ARID1B: variants seen among roughly 807,000 people sequenced by gnomAD.
The protein encoded by ARID1B is AT-rich interaction domain 1B.
In ARID1B, 30 loss-of-function variants were observed where a neutral mutation model predicts 212.3. The ratio of observed to expected loss-of-function variants is 0.14; its 90% CI spans 0.11 to 0.19. The LOEUF (loss-of-function observed/expected upper bound fraction) is 0.19. Ranked by LOEUF, ARID1B falls within the 10% of genes least tolerant of loss-of-function variation. The probability of loss-of-function intolerance (pLI) is 1.00; values close to 1 mark genes in which losing one functional copy is unlikely to be tolerated. For synonymous variants in ARID1B, 1,402 were observed against 1,301.7 expected (o/e 1.08, Z -1.66); for missense variants, 2,891 against 3,204.0 (o/e 0.90, Z 2.36).
At chr6:156,822,565 G>T (rs1782429834) in intron 1 of ARID1B, among the ~76,000 whole-genome samples, 1 of 152,272 alleles carries the variant, frequency 6.6e-6, no homozygotes, top group Non-Finnish European at 1.5e-5. Flanking sequence ...CTGGCTTAGA[G>T]AGGAGTAGGC....
intron 2 of ARID1B, among the ~76,000 whole-genome samples, chr6:156,858,220 G>T (rs1785085626): frequency 6.6e-6 from 1 of 152,056 alleles, no homozygotes; most frequent in Admixed American, 6.5e-5. Context: ...AACAGAGGCT[G>T]GAAAGTGTAG....
At chr6:157,202,877 G>A (rs572725977) in intron 18 of ARID1B, among the ~76,000 whole-genome samples, 8 of 151,868 alleles carry the variant, frequency 5.3e-5, no homozygotes, top group East Asian at 1.9e-4. Flanking sequence ...ACACACACAC[G>A]TGTATTGTGT....
At chr6:156,912,626 G>A (rs186263158) in intron 3 of ARID1B, among the ~76,000 whole-genome samples, 252 of 152,264 alleles carry the variant, frequency 1.7e-3, no homozygotes, top group African/African-American at 5.7e-3. Flanking sequence ...AGCTAGTGAG[G>A]CTGCTTCCTG....
At chr6:156,966,311 A>G (rs1272046055) in intron 4 of ARID1B, among the ~76,000 whole-genome samples, 1 of 152,034 alleles carries the variant, frequency 6.6e-6, no homozygotes, top group Non-Finnish European at 1.5e-5. Context: ...TTGGTAGTGT[A>G]AATGCTTAGA....
In ARID1B at chr6:156,778,096, G is replaced by A. The variant is rs1180067937; in HGVS notation, c.416G>A (p.Gly139Asp). ...AASSSSSSGP[G>D]SAMETGLLPN... The stretch of plus-strand genomic sequence containing the variant: ...TCCTCTTCCTCCTCGTCGGGCCCGG[G>A]CTCGGCCATGGAGACGGGGCTGCTC... Residue 139 changes from glycine (G) to aspartate (D), a missense_variant, in exon 1 of 20, where the codon GGC (glycine) becomes GAC (aspartate). Physicochemically the swap from Gly to Asp is moderately conservative, Grantham distance 94. Transcript: ENST00000636930. The A allele has an allele frequency of 6.5e-7, 1 of 1,540,382 alleles. No individual in the cohort carries two copies. The highest frequency in any genetic ancestry group is 8.7e-7 in the Non-Finnish European group (1 of 1,146,236).
At chr6:157,116,938 A>G (rs1017184448) in intron 6 of ARID1B, among the ~76,000 whole-genome samples, 8 of 152,184 alleles carry the variant, frequency 5.3e-5, no homozygotes, top group Admixed American at 1.3e-4. Flanking sequence ...TATTTTCTCT[A>G]TAGTTCTATA....
intron 6 of ARID1B, among the ~76,000 whole-genome samples, chr6:157,114,128 T>C (rs555299082): frequency 6.6e-6 from 1 of 152,326 alleles, no homozygotes; most frequent in South Asian, 2.1e-4. Context: ...GTAACTTAAC[T>C]TTGTTTATAC....
chr6:156,836,691 G>A (rs890431119), intron 2 of ARID1B, among the ~76,000 whole-genome samples: 1 of 151,960 alleles, frequency 6.6e-6, no homozygotes, highest in African/African-American at 2.4e-5. Context: ...TTGACATGGG[G>A]TCCTGCTGTG....
chr6:156,868,649 A>G (rs537855726), intron 2 of ARID1B, among the ~76,000 whole-genome samples: 3 of 152,298 alleles, frequency 2.0e-5, no homozygotes, highest in Middle Eastern at 6.8e-3. Flanking sequence ...CTGTGCCCTC[A>G]TGACCTAGTC....
intron 8 of ARID1B, chr6:157,166,225 A>G (rs1376570409): frequency 6.6e-6 from 1 of 152,348 alleles, no homozygotes; most frequent in East Asian, 1.9e-4. Context: ...GAGAATTGAC[A>G]TTGTGTGACA....
chr6:157,015,748 C>T lies in ARID1B; in HGVS notation c.2248-68914C>T, dbSNP rs553727414. Among the ~76,000 whole-genome samples, 54 of 152,312 alleles carry T rather than the reference C, an allele frequency of 3.5e-4. 3 individuals carry two copies. The South Asian group carries it at 8.9e-3, about 25-fold the overall frequency. ...GTATAACCCTGCGTTTGCTGTCATT[C>T]TGTCTTCACTTCACTGCTTTCATTC... On this transcript the variant is annotated intron_variant, in intron 4 of 19. Transcript: ENST00000636930.
At chr6:156,787,941 G>C (rs533655897) in intron 1 of ARID1B, among the ~76,000 whole-genome samples, 2 of 152,036 alleles carry the variant, frequency 1.3e-5, no homozygotes, top group East Asian at 1.9e-4. Context: ...TGCTGGGCAG[G>C]GTTGTTGAAA....
chr6:157,125,004 TGAA>T, intron 6 of ARID1B, among the ~76,000 whole-genome samples: 1 of 152,310 alleles, frequency 6.6e-6, no homozygotes, highest in East Asian at 1.9e-4. Flanking sequence ...CTTGCAGGTC[TGAA>T]GCAACCCAGG....
chr6:156,992,039 A>T lies in ARID1B; in HGVS notation c.2247+56463A>T, dbSNP rs1583096763. Among the ~76,000 whole-genome samples, 3 of 152,344 alleles carry T rather than the reference A, an allele frequency of 2.0e-5. No homozygotes were observed. In the South Asian group the frequency reaches 6.2e-4, roughly 32 times the overall value. ...TCTTGTTATGTCTAAGTAACCTTAG[A>T]CATAGGCATTATTTTACAGTTTACT... On this transcript the variant is annotated intron_variant, in intron 4 of 19. Transcript: ENST00000636930.
intron 6 of ARID1B, among the ~76,000 whole-genome samples, chr6:157,121,629 C>CT (rs1389687982): frequency 0.061 from 6,888 of 112,660 alleles, 557 homozygotes; most frequent in Non-Finnish European, 0.085. Context: ...TCATATATAG[C>CT]TTTTTTTTTT....
intron 12 of ARID1B, 146 bp from the exon 13 acceptor site, chr6:157,184,085 A>G (rs1463963650): frequency 5.8e-6 from 4 of 693,750 alleles, no homozygotes; most frequent in African/African-American, 1.8e-5. Flanking sequence ...AATGCTGCCT[A>G]TGCACTGCTG....
intron 5 of ARID1B, among the ~76,000 whole-genome samples, chr6:157,097,052 T>C (rs1427548831): frequency 1.3e-5 from 2 of 152,184 alleles, no homozygotes; most frequent in African/African-American, 4.8e-5. Context: ...TTTTTCAGAA[T>C]AGTAAGTGGT....
intron 4 of ARID1B, among the ~76,000 whole-genome samples, chr6:157,074,255 C>T (rs1784170957): frequency 1.3e-5 from 2 of 152,136 alleles, no homozygotes; most frequent in Admixed American, 6.5e-5. Context: ...GACAGAGTCT[C>T]ACTCTGTCAC....
At chr6:157,031,877 G>A (rs950162493) in intron 4 of ARID1B, among the ~76,000 whole-genome samples, 11 of 151,624 alleles carry the variant, frequency 7.3e-5, no homozygotes, top group African/African-American at 1.7e-4. Flanking sequence ...GGCAACCTCC[G>A]CCTCCCTGGT....
Sources: allele counts gnomAD v4.1 joint callset (sites outside exome capture counted in the v4.1 genomes callset), GRCh38; gene constraint gnomAD v4.1.1; transcripts MANE v1.5; gene names NCBI Gene and HGNC (gene_info 2026-07-23, HGNC 2026-07-21).